Variants in KAZN observed in about 807,000 individuals in gnomAD.
KAZN encodes the protein kazrin, periplakin interacting protein, also known as kazrin.
KAZN carries 40 observed loss-of-function variants against 87.4 expected under a neutral mutation model. The observed-to-expected ratio is 0.46, with a 90% CI of 0.36 to 0.60. KAZN has a LOEUF of 0.60. KAZN is among the 20% of genes least tolerant of loss of function. KAZN has a pLI of 0.00. For missense variants in KAZN, 898 were observed against 1,073.9 expected, an observed-to-expected ratio of 0.84 and a Z score of 2.29; for synonymous variants, 466 against 458.3, an observed-to-expected ratio of 1.02 and a Z score of -0.22.
intron 1 of KAZN, among the ~76,000 whole-genome samples, chr1:13,914,500 G>A (rs1260307479): frequency 1.3e-5 from 2 of 152,224 alleles, no homozygotes; most frequent in African/African-American, 4.8e-5. Flanking sequence ...GTAATGGGAT[G>A]TCACCGCCTC....
At chr1:14,967,426 G>A (rs931396563) in intron 2 of KAZN, among the ~76,000 whole-genome samples, 2 of 152,220 alleles carry the variant, frequency 1.3e-5, no homozygotes, top group South Asian at 2.1e-4. Flanking sequence ...TTCCCTGTCC[G>A]ATGGGCTCAG....
intron 2 of KAZN, among the ~76,000 whole-genome samples, chr1:14,274,276 C>T (rs780355811): frequency 6.6e-6 from 1 of 152,172 alleles, no homozygotes; most frequent in African/African-American, 2.4e-5. Flanking sequence ...ATAAGTGGCT[C>T]CCTTGCTGAC....
intron 1 of KAZN, among the ~76,000 whole-genome samples, chr1:14,957,220 TAA>T (rs1663222088): frequency 6.6e-6 from 1 of 152,196 alleles, no homozygotes; most frequent in South Asian, 2.1e-4. Flanking sequence ...GGAGTTTTGC[TAA>T]GAGACTTGCT....
intron 1 of KAZN, among the ~76,000 whole-genome samples, chr1:14,048,936 T>C (rs1642191185): frequency 6.6e-6 from 1 of 152,148 alleles, no homozygotes; most frequent in African/African-American, 2.4e-5. Flanking sequence ...GCACCTGTTG[T>C]TTCCTGACTT....
chr1:14,644,002 C>CTTTTTTTTTT (rs34535562), intron 1 of KAZN, among the ~76,000 whole-genome samples: 2 of 60,344 alleles, frequency 3.3e-5, no homozygotes, highest in African/African-American at 7.0e-5. Flanking sequence ...CCTTTGCCCA[C>CTTTTTTTTTT]TTTTTTTTTT....
intron 1 of KAZN, among the ~76,000 whole-genome samples, chr1:13,949,605 G>A (rs1641273113): frequency 1.3e-5 from 2 of 152,026 alleles, no homozygotes; most frequent in African/African-American, 4.8e-5. Flanking sequence ...ACACTTTACT[G>A]AGCCCTTTTT....
At position 14,822,170 on chromosome 1, in the gene KAZN, T is replaced by C. The variant is rs1461779867; in HGVS notation, c.227-138514T>C. Reference sequence around the variant, plus strand: ...CAAGCCCAGGAAAACAAAGCTTTCGTCCCAGCCAGGTAACTTGAGGGGGCA... The same window carrying C: ...CAAGCCCAGGAAAACAAAGCTTTCGCCCCAGCCAGGTAACTTGAGGGGGCA... On this transcript the variant is annotated intron_variant, in intron 1 of 14. Transcript: ENST00000376030. 2.0e-5 allele frequency among the ~76,000 whole-genome samples: 3 copies of C among 152,208 alleles called. No homozygotes were observed. The South Asian group carries it at 6.2e-4, about 32-fold the overall frequency.
intron 2 of KAZN, among the ~76,000 whole-genome samples, chr1:14,393,963 G>T (rs906439881): frequency 1.6e-4 from 25 of 152,064 alleles, no homozygotes; most frequent in Admixed American, 1.2e-3. Context: ...ATGGTATCAG[G>T]AGAATTAGAG....
intron 2 of KAZN, among the ~76,000 whole-genome samples, chr1:14,221,013 G>A (rs529551481): frequency 3.6e-4 from 55 of 152,128 alleles, no homozygotes; most frequent in Admixed American, 7.2e-4. Context: ...CTTTGATGCG[G>A]GATGCTGGCT....
chr1:14,929,959 A>G, intron 1 of KAZN: 6 of 985,498 alleles, frequency 6.1e-6, no homozygotes, highest in Non-Finnish European at 7.2e-6. Flanking sequence ...GCAATTCCCC[A>G]GAGCCCTCAT....
intron 2 of KAZN, among the ~76,000 whole-genome samples, chr1:14,515,730 CT>C (rs1671264126): frequency 6.6e-6 from 1 of 152,168 alleles, no homozygotes; most frequent in South Asian, 2.1e-4. Context: ...CTCACCAAGT[CT>C]TTGTGACTGC....
rs958570607 is a variant in KAZN, at chr1:14,919,306, A to G, written c.227-41378A>G. ...ATTCTCCTGCCTCAGCCTCCTGAGT[A>G]GCTGGGATGACAGGCGCGTTCCACC... On this transcript the variant is annotated intron_variant, in intron 1 of 14. Coordinates refer to ENST00000376030, the MANE Select transcript of KAZN (RefSeq NM_201628.3). 5.9e-5 allele frequency among the ~76,000 whole-genome samples: 9 copies of G among 152,334 alleles called. No individual in the cohort carries two copies. The South Asian group carries it at 8.3e-4, about 14-fold the overall frequency.
At chr1:15,110,481 TTGTGTGTGTATGTATGTGTGTGTATTTG>T (rs797006608) in intron 13 of KAZN, among the ~76,000 whole-genome samples, 2 of 85,048 alleles carry the variant, frequency 2.4e-5, no homozygotes, top group African/African-American at 1.0e-4. Flanking sequence ...GTTTGTGTAT[TTGTGTGTGTATGTATGTGTGTGTATTTG>T]TGTGTTTGTG....
chr1:13,917,416 T>C (rs1161775583), intron 1 of KAZN, among the ~76,000 whole-genome samples: 1 of 152,204 alleles, frequency 6.6e-6, no homozygotes, highest in African/African-American at 2.4e-5. Context: ...ACAGGCTGAC[T>C]CTGGTGAGTG....
At chr1:14,385,371 C>T (rs1412522065) in intron 2 of KAZN, among the ~76,000 whole-genome samples, 1 of 152,016 alleles carries the variant, frequency 6.6e-6, no homozygotes, top group Non-Finnish European at 1.5e-5. Context: ...AATATGTTTG[C>T]TCTTGCTTTT....
At chr1:14,250,514 A>T (rs2100610277) in intron 2 of KAZN, among the ~76,000 whole-genome samples, 1 of 152,248 alleles carries the variant, frequency 6.6e-6, no homozygotes, top group Non-Finnish European at 1.5e-5. Context: ...AGAAACAGAG[A>T]TCTAAGGAAG....
At chr1:14,966,807 G>C (rs1248177712) in intron 2 of KAZN, among the ~76,000 whole-genome samples, 3 of 151,948 alleles carry the variant, frequency 2.0e-5, no homozygotes, top group Non-Finnish European at 4.4e-5. Context: ...GAGTAGCTGG[G>C]ACTACAGGCA....
intron 2 of KAZN, among the ~76,000 whole-genome samples, chr1:14,515,100 GA>G (rs1452085711): frequency 2.0e-5 from 3 of 152,000 alleles, no homozygotes; most frequent in African/African-American, 7.3e-5. Context: ...AAAATTAGAA[GA>G]CAGATTTTTC....
At chr1:15,016,038 C>T (rs1405509394) in intron 2 of KAZN, among the ~76,000 whole-genome samples, 1 of 152,094 alleles carries the variant, frequency 6.6e-6, no homozygotes, top group African/African-American at 2.4e-5. Context: ...GATTCTTGGC[C>T]GATGGTGTTA....
Sources: gnomAD v4.1 joint callset for allele counts (sites outside exome capture counted in the v4.1 genomes callset) on GRCh38, gnomAD v4.1.1 for gene constraint, MANE v1.5 for transcripts, NCBI Gene and HGNC (gene_info 2026-07-23, HGNC 2026-07-21) for gene names.